Variants in MICU2 observed in about 807,000 individuals in gnomAD.
MICU2 encodes the protein calcium uptake protein 2, mitochondrial.
MICU2 carries 64 observed loss-of-function variants against 60.4 expected under a neutral mutation model. That is an observed-to-expected ratio of 1.06 (90% CI 0.87 to 1.31). The LOEUF (loss-of-function observed/expected upper bound fraction) is 1.31, where lower values mean the gene tolerates loss of function less well. Among genes scored for constraint, MICU2 ranks in the 50% most tolerant of loss-of-function variants. MICU2 has a pLI of 0.00. For synonymous variants in MICU2, 201 were observed against 175.0 expected, an observed-to-expected ratio of 1.15 and a Z score of -1.17; for missense variants, 569 against 531.0, an observed-to-expected ratio of 1.07 and a Z score of -0.70.
At chr13:21,505,905 A>T (rs1308366601) in intron 8 of MICU2, among the ~76,000 whole-genome samples, 1 of 152,190 alleles carries the variant, frequency 6.6e-6, no homozygotes, top group East Asian at 1.9e-4. Context: ...AGGTGAGATG[A>T]CACATATGGA....
chr13:21,519,028 C>G (rs1467895749), intron 6 of MICU2, among the ~76,000 whole-genome samples: 1 of 152,192 alleles, frequency 6.6e-6, no homozygotes, highest in Non-Finnish European at 1.5e-5. Flanking sequence ...TCAGTCCCTA[C>G]CTAGCTGCCC....
chr13:21,530,805 C>T (rs2138180864), intron 4 of MICU2: 2 of 701,334 alleles, frequency 2.9e-6, no homozygotes, highest in African/African-American at 1.8e-5. Context: ...GAGATGGCGG[C>T]CGAGGCCAGG....
At chr13:21,526,734 T>C (rs1226155421) in intron 4 of MICU2, among the ~76,000 whole-genome samples, 1 of 152,160 alleles carries the variant, frequency 6.6e-6, no homozygotes, top group Non-Finnish European at 1.5e-5. Context: ...GGGAAAGCTA[T>C]TTAAGACAGA....
intron 1 of MICU2, among the ~76,000 whole-genome samples, chr13:21,581,144 A>T (rs1566168166): frequency 6.6e-6 from 1 of 152,224 alleles, no homozygotes; most frequent in African/African-American, 2.4e-5. Context: ...ATAAATACTA[A>T]GAACTAGGAA....
In MICU2 at chr13:21,516,712, G is replaced by A. The variant is rs570647060; in HGVS notation, c.598-2294C>T. Among the ~76,000 whole-genome samples, 3 of 152,300 alleles carry A rather than the reference G, an allele frequency of 2.0e-5. No homozygotes were observed. The East Asian group carries it at 5.8e-4, about 29-fold the overall frequency. The stretch of plus-strand genomic sequence containing the variant: ...CTTAATTTTGGTCATTCTCTTGAGT[G>A]TAGTAGTATGTCATTGTGGTTTTAA... On this transcript the variant is annotated intron_variant, in intron 6 of 11. Transcript: ENST00000382374.
chr13:21,536,421 G>A (rs1289502669), intron 4 of MICU2, among the ~76,000 whole-genome samples: 1 of 151,522 alleles, frequency 6.6e-6, no homozygotes, highest in Admixed American at 6.6e-5. Context: ...TCAACCTCTC[G>A]AGCTCAAGCG....
intron 2 of MICU2, among the ~76,000 whole-genome samples, chr13:21,556,927 C>T (rs558824635): frequency 1.3e-4 from 20 of 152,188 alleles, no homozygotes; most frequent in East Asian, 9.6e-4. Context: ...TTAGTGGCTC[C>T]GATCTGCACA....
intron 4 of MICU2, among the ~76,000 whole-genome samples, chr13:21,535,343 A>C (rs1280261631): frequency 6.6e-6 from 1 of 151,962 alleles, no homozygotes; most frequent in African/African-American, 2.4e-5. Context: ...TCAAATAATC[A>C]TAAGATAACT....
At chr13:21,562,827 T>A (rs139681208) in intron 2 of MICU2, among the ~76,000 whole-genome samples, 2 of 152,358 alleles carry the variant, frequency 1.3e-5, no homozygotes, top group African/African-American at 4.8e-5. Flanking sequence ...GTATTCCTTT[T>A]CTACCTTAAC....
At chr13:21,515,737 G>T in intron 6 of MICU2, 1 of 194,248 alleles carries the variant, frequency 5.1e-6, no homozygotes, top group South Asian at 8.4e-5. Context: ...TTTGAATTTA[G>T]CTATTTCTAT....
At chr13:21,556,529 T>C (rs1887712362) in intron 2 of MICU2, among the ~76,000 whole-genome samples, 1 of 152,230 alleles carries the variant, frequency 6.6e-6, no homozygotes, top group South Asian at 2.1e-4. Context: ...CTCTAATGTC[T>C]ACGCAGTTTT....
intron 2 of MICU2, among the ~76,000 whole-genome samples, chr13:21,564,661 TA>T (rs1441464237): frequency 1.3e-5 from 2 of 152,096 alleles, no homozygotes; most frequent in African/African-American, 4.8e-5. Flanking sequence ...TCCATCCCCC[TA>T]GGGTGGCTGG....
intron 1 of MICU2, among the ~76,000 whole-genome samples, chr13:21,576,917 T>C (rs1232052229): frequency 6.6e-6 from 1 of 152,174 alleles, no homozygotes; most frequent in Non-Finnish European, 1.5e-5. Flanking sequence ...GCTCTACAAA[T>C]AGAAATTTTA....
intron 1 of MICU2, among the ~76,000 whole-genome samples, chr13:21,590,303 A>G (rs1032129937): frequency 6.6e-5 from 10 of 152,206 alleles, no homozygotes; most frequent in Admixed American, 2.6e-4. Flanking sequence ...ATTCTTAAAG[A>G]AAATAATTTT....
chr13:21,503,121 G>A, intron 8 of MICU2, 24 bp from the exon 9 acceptor site: 1 of 1,544,108 alleles, frequency 6.5e-7, no homozygotes, highest in Non-Finnish European at 8.8e-7. Context: ...TACAAAATTA[G>A]TAAGGTAACT....
intron 1 of MICU2, chr13:21,603,644 C>T: frequency 2.0e-6 from 1 of 494,328 alleles, no homozygotes; most frequent in Non-Finnish European, 3.6e-6. Context: ...CACGCCCACA[C>T]TCATCACCAC....
intron 1 of MICU2, among the ~76,000 whole-genome samples, chr13:21,582,651 T>A (rs1375885278): frequency 1.3e-5 from 2 of 152,170 alleles, no homozygotes; most frequent in Admixed American, 1.3e-4. Flanking sequence ...CCTGACTCAT[T>A]CTAATTACCT....
chr13:21,545,428 C>A (rs977694764), intron 2 of MICU2, among the ~76,000 whole-genome samples: 6 of 152,294 alleles, frequency 3.9e-5, no homozygotes, highest in Admixed American at 3.9e-4. Flanking sequence ...CGCCTGTAAT[C>A]CCAGCACTTT....
intron 8 of MICU2, among the ~76,000 whole-genome samples, chr13:21,509,336 T>C (rs1404529361): frequency 1.3e-5 from 2 of 152,226 alleles, no homozygotes; most frequent in Admixed American, 1.3e-4. Flanking sequence ...TTAATGTTAG[T>C]ATAAAGCTTT....
Sources: gnomAD v4.1 joint callset for allele counts (sites outside exome capture counted in the v4.1 genomes callset) on GRCh38, gnomAD v4.1.1 for gene constraint, MANE v1.5 for transcripts, NCBI Gene and HGNC (gene_info 2026-07-23, HGNC 2026-07-21) for gene names.